RALGPS2: variants seen among roughly 807,000 people sequenced by gnomAD.
RALGPS2 encodes the protein Ral GEF with PH domain and SH3 binding motif 2.
A neutral mutation model predicts 86.8 loss-of-function variants in RALGPS2; 43 were observed. That is an observed-to-expected ratio of 0.50 (90% CI 0.39 to 0.64). The LOEUF (loss-of-function observed/expected upper bound fraction) is 0.64, where lower values mean the gene tolerates loss of function less well. Among genes scored for constraint, RALGPS2 ranks in the 30% least tolerant of loss-of-function variants. RALGPS2 has a pLI of 0.00. For synonymous variants in RALGPS2, 243 were observed against 231.3 expected (o/e 1.05, Z -0.46); for missense variants, 536 against 694.6 (o/e 0.77, Z 2.57).
chr1:178,727,410 G>C (rs1315857342), intron 1 of RALGPS2, among the ~76,000 whole-genome samples: 2 of 152,048 alleles, frequency 1.3e-5, no homozygotes, highest in Non-Finnish European at 2.9e-5. Context: ...TAATACTTTG[G>C]GGCAGGACTC....
At chr1:178,874,281 A>G (rs761994388) in intron 8 of RALGPS2, among the ~76,000 whole-genome samples, 1 of 152,200 alleles carries the variant, frequency 6.6e-6, no homozygotes, top group Non-Finnish European at 1.5e-5. Flanking sequence ...AAATATTAAC[A>G]TGTAACCAAT....
intron 7 of RALGPS2, among the ~76,000 whole-genome samples, chr1:178,829,800 A>C (rs868736737): frequency 4.6e-5 from 7 of 152,082 alleles, no homozygotes; most frequent in South Asian, 4.1e-4. Flanking sequence ...GCTGTAGCGC[A>C]GTGGCACAAT....
At chr1:178,916,062 G>A (rs887870787) in intron 19 of RALGPS2, among the ~76,000 whole-genome samples, 1 of 152,114 alleles carries the variant, frequency 6.6e-6, no homozygotes, top group East Asian at 1.9e-4. Flanking sequence ...TGAGCCCCCT[G>A]TGTTAGACAA....
In RALGPS2 at chr1:178,731,272, G is replaced by GTTTTTTTTTTTTTTTTT. The variant is rs57628726; in HGVS notation, c.-84+5866_-84+5882dup. 1.0e-4 allele frequency among the ~76,000 whole-genome samples: 6 copies of GTTTTTTTTTTTTTTTTT among 57,946 alleles called. 1 individual carries two copies. Among genetic ancestry groups the GTTTTTTTTTTTTTTTTT allele is most frequent in the African/African-American group, 2.7e-4 (4 of 15,016 alleles). The allele number at this position is 57,946 out of a possible 152,430, so 38.0% of individuals were successfully genotyped here. A position where few individuals can be genotyped will look rare whatever the true frequency, so the allele number is the denominator to read the frequency against. On this transcript the variant is annotated intron_variant, in intron 1 of 19. Coordinates refer to ENST00000367635, the MANE Select transcript of RALGPS2 (RefSeq NM_152663.5). Reference sequence around the variant, plus strand: ...TGATTATACTTTTCTAGTTGTTTTGGTTTTTTTTTTTTTTTTTTTTTTTTT... The same window carrying GTTTTTTTTTTTTTTTTT: ...TGATTATACTTTTCTAGTTGTTTTGGTTTTTTTTTTTTTTTTTTTTTTTTTTTTTTTTTTTTTTTTTT...
chr1:178,788,617 G>A (rs10157970), intron 4 of RALGPS2, among the ~76,000 whole-genome samples: 3,763 of 152,206 alleles, frequency 0.025, 150 homozygotes, highest in African/African-American at 0.086. Context: ...CGGGGCAAAG[G>A]CCAGTGAGCT....
Position 178,731,724 on chromosome 1 carries a change from T to G in RALGPS2, c.-84+6305T>G, listed in dbSNP as rs74818707. 3.7e-3 allele frequency among the ~76,000 whole-genome samples: 563 copies of G among 152,332 alleles called. 3 individuals are homozygous for G. Among genetic ancestry groups the G allele is most frequent in the African/African-American group, 0.01 (418 of 41,584 alleles). On this transcript the variant is annotated intron_variant, in intron 1 of 19. Transcript: ENST00000367635. ...TATTTTATGTATCTTGTATTGACTT[T>G]ACTTTATTTCTTCTACACTGAATTT... is the stretch of plus-strand genomic sequence containing the variant.
At chr1:178,730,107 A>G (rs1389849612) in intron 1 of RALGPS2, among the ~76,000 whole-genome samples, 1 of 151,844 alleles carries the variant, frequency 6.6e-6, no homozygotes. Context: ...ATGCCTGACT[A>G]ATTTTTGTAT....
rs755000780 is a variant in RALGPS2 at position 178,883,466 on chromosome 1, G to A, written c.837G>A (p.Lys279=). ...TGTATTTTGTCTTTTTAAAATTCAG[G>A]CTTTCATTAAAGATAGAACCAGGGA... ...LQKFVEDDNY[K]LSLKIEPGTS... is the part of the protein sequence containing the mutation. Residue 279 remains lysine (K), a splice_region_variant and synonymous_variant, in exon 11 of 20, where the codon AAG becomes AAA. Transcript: ENST00000367635. 1 of 1,608,438 alleles carries A rather than the reference G, an allele frequency of 6.2e-7. No homozygotes were observed. The highest frequency in any genetic ancestry group is 1.1e-5 in the South Asian group (1 of 90,900).
intron 8 of RALGPS2, chr1:178,850,165 G>A (rs2102287898): frequency 6.5e-6 from 1 of 152,704 alleles, no homozygotes; most frequent in South Asian, 2.1e-4. Context: ...CCTTGAGTTT[G>A]TTTTAGTCCC....
chr1:178,744,115 T>C (rs1651179993), intron 1 of RALGPS2, among the ~76,000 whole-genome samples: 1 of 152,202 alleles, frequency 6.6e-6, no homozygotes, highest in Admixed American at 6.5e-5. Flanking sequence ...CTAACCATAT[T>C]TTAGTAAATT....
chr1:178,824,530 G>A (rs1655658341), intron 7 of RALGPS2, among the ~76,000 whole-genome samples: 1 of 152,082 alleles, frequency 6.6e-6, no homozygotes, highest in Non-Finnish European at 1.5e-5. Context: ...TTTACGCCGG[G>A]TGCAGTGGTG....
intron 8 of RALGPS2, among the ~76,000 whole-genome samples, chr1:178,855,426 A>G (rs889767435): frequency 1.3e-5 from 2 of 151,916 alleles, no homozygotes; most frequent in Non-Finnish European, 2.9e-5. Flanking sequence ...AATCAAGAGG[A>G]CATCAGTTTC....
At position 178,861,768 on chromosome 1, in the gene RALGPS2, A is replaced by G. The variant is rs75316348; in HGVS notation, c.608-15730A>G. Among the ~76,000 whole-genome samples, 1,000 of 152,308 alleles carry G rather than the reference A, an allele frequency of 6.6e-3. 10 individuals carry two copies. The highest frequency in any genetic ancestry group is 0.023 in the African/African-American group (954 of 41,568). Reference sequence around the variant, plus strand: ...TTACATAAAACAAAATTTTTAAAGGATATCAAAAGCAATTTTTTTTCTGTT... The same window carrying G: ...TTACATAAAACAAAATTTTTAAAGGGTATCAAAAGCAATTTTTTTTCTGTT... On this transcript the variant is annotated intron_variant, in intron 8 of 19. Coordinates refer to ENST00000367635, the MANE Select transcript of RALGPS2 (RefSeq NM_152663.5).
intron 8 of RALGPS2, among the ~76,000 whole-genome samples, chr1:178,859,523 C>T (rs1657819753): frequency 6.7e-6 from 1 of 149,224 alleles, no homozygotes; most frequent in Non-Finnish European, 1.5e-5. Flanking sequence ...CCTGCCTCAG[C>T]CTCCCAAGTA....
chr1:178,885,139 T>C lies in RALGPS2; in HGVS notation c.968T>C (p.Leu323Pro). 6.2e-7 allele frequency: 1 copy of C among 1,613,682 alleles called. No homozygotes were observed. Among genetic ancestry groups the C allele is most frequent in the Non-Finnish European group, 8.5e-7 (1 of 1,179,836 alleles). Residue 323 changes from leucine (L) to proline (P), a missense_variant, in exon 12 of 20, where the codon CTC (leucine) becomes CCC (proline). Coordinates refer to ENST00000367635, the MANE Select transcript of RALGPS2 (RefSeq NM_152663.5). ...RKSVAAEGAL[L>P]PQTPPSPRNL... is the part of the protein sequence containing the mutation. ...AGTGTGGCAGCTGAAGGAGCCTTGC[T>C]CCCACAGACACCGCCATCCCCTCGG...
intron 1 of RALGPS2, among the ~76,000 whole-genome samples, chr1:178,773,810 T>A (rs1022605072): frequency 2.7e-5 from 4 of 150,430 alleles, no homozygotes; most frequent in African/African-American, 9.8e-5. Context: ...AAAAAAAAAA[T>A]ACTATTGACA....
rs1653112114 is a variant in RALGPS2, at chr1:178,776,843, G to A, written c.57+22G>A. Reference sequence around the variant, plus strand: ...TGAGGTAAGATATTTAAGAAGCTTGGGTGTAAAGTTTCTTACCTGGCTTTC... The same window carrying A: ...TGAGGTAAGATATTTAAGAAGCTTGAGTGTAAAGTTTCTTACCTGGCTTTC... On this transcript the variant is annotated intron_variant, in intron 2 of 19. Transcript: ENST00000367635. 6.9e-6 allele frequency: 11 copies of A among 1,601,276 alleles called. No homozygotes were observed. The East Asian group carries it at 2.0e-4, about 29-fold the overall frequency.
chr1:178,739,265 T>TA (rs1383926126), intron 1 of RALGPS2, among the ~76,000 whole-genome samples: 16 of 152,222 alleles, frequency 1.1e-4, no homozygotes, highest in African/African-American at 3.9e-4. Context: ...CTGGCATTTT[T>TA]AAATGTTTTC....
At chr1:178,800,278 G>A (rs761420418) in intron 4 of RALGPS2, among the ~76,000 whole-genome samples, 9 of 152,066 alleles carry the variant, frequency 5.9e-5, no homozygotes, top group South Asian at 2.1e-4. Context: ...AGGAAACTAC[G>A]GAAGAAAGAT....
Sources: gnomAD v4.1 joint callset for allele counts (sites outside exome capture counted in the v4.1 genomes callset) on GRCh38, gnomAD v4.1.1 for gene constraint, MANE v1.5 for transcripts, NCBI Gene and HGNC (gene_info 2026-07-23, HGNC 2026-07-21) for gene names.